The following SEM1 variants were observed in gnomAD, a reference collection of about 807,000 sequenced individuals.
SEM1 encodes the protein 26S proteasome complex subunit SEM1.
Under a neutral mutation model 12.7 loss-of-function variants are expected in SEM1, and 3 were observed. The ratio of observed to expected loss-of-function variants is 0.24; its 90% confidence interval spans 0.11 to 0.61. The LOEUF is 0.61. Ranked by LOEUF, SEM1 falls within the 20% of genes least tolerant of loss-of-function variation. The pLI, the probability that SEM1 is intolerant of heterozygous loss-of-function variation, is 0.88. For missense variants in SEM1, 59 were observed against 81.3 expected, an observed-to-expected ratio of 0.73 and a Z score of 1.06; for synonymous variants, 30 against 27.8, an observed-to-expected ratio of 1.08 and a Z score of -0.25.
chr7:96,582,890 T>C (rs1176155968), intron 2 of SEM1, among the ~76,000 whole-genome samples: 1 of 152,216 alleles, frequency 6.6e-6, no homozygotes, highest in African/African-American at 2.4e-5. Flanking sequence ...TTGCTAGCGA[T>C]CTATCAATTT....
rs184510455 is a variant in SEM1, at chr7:96,583,796, C to A, written c.171-77098G>T. 3.3e-5 allele frequency among the ~76,000 whole-genome samples: 5 copies of A among 150,376 alleles called. No individual in the cohort carries two copies. In the East Asian group the frequency reaches 1.0e-3, roughly 30 times the overall value. On this transcript the variant is annotated intron_variant and NMD_transcript_variant, in intron 2 of 3. Coordinates refer to the SEM1 transcript ENST00000466986. Reference sequence around the variant, plus strand: ...TTTATCCGAGACTAGGATTGCAACCCCTGCCTTTTCTTGTTTTCCATTTGC... The same window carrying A: ...TTTATCCGAGACTAGGATTGCAACCACTGCCTTTTCTTGTTTTCCATTTGC...
chr7:96,616,706 T>A (rs755054275), intron 2 of SEM1, among the ~76,000 whole-genome samples: 5 of 152,182 alleles, frequency 3.3e-5, no homozygotes, highest in Admixed American at 1.3e-4. Context: ...ATGTAATCCA[T>A]CTTGACTTAA....
chr7:96,689,118 A>G, intron 2 of SEM1, 152 bp from the exon 3 acceptor site: 2 of 518,746 alleles, frequency 3.9e-6, no homozygotes, highest in East Asian at 6.4e-5. Flanking sequence ...TGAAAAAAAA[A>G]CATAAGAAAA....
intron 2 of SEM1, among the ~76,000 whole-genome samples, chr7:96,581,286 T>C (rs1412861868): frequency 2.0e-5 from 3 of 152,178 alleles, no homozygotes; most frequent in East Asian, 1.9e-4. Flanking sequence ...GTTGCAGATA[T>C]GCGGCGTTAT....
At chr7:96,567,084 A>T (rs1419751947) in intron 2 of SEM1, among the ~76,000 whole-genome samples, 4 of 151,628 alleles carry the variant, frequency 2.6e-5, no homozygotes, top group Non-Finnish European at 4.4e-5. Flanking sequence ...ATGTGTTTCT[A>T]AATTGCTCCC....
chr7:96,490,372 A>G (rs1244275181), intron 1 of SEM1, among the ~76,000 whole-genome samples: 1 of 152,204 alleles, frequency 6.6e-6, no homozygotes, highest in Non-Finnish European at 1.5e-5. Context: ...GGCATTTTAT[A>G]GGGAACATAC....
At chr7:96,537,797 G>T (rs1804831920) in intron 2 of SEM1, among the ~76,000 whole-genome samples, 1 of 151,402 alleles carries the variant, frequency 6.6e-6, no homozygotes, top group South Asian at 2.1e-4. Context: ...TGTTCTCTGA[G>T]CTTCCTGGAT....
At chr7:96,570,975 T>A (rs1241171686) in intron 2 of SEM1, among the ~76,000 whole-genome samples, 1 of 152,042 alleles carries the variant, frequency 6.6e-6, no homozygotes, top group Non-Finnish European at 1.5e-5. Flanking sequence ...TTTTTTTTTT[T>A]TCGTATGTTT....
upstream of SEM1, among the ~76,000 whole-genome samples, chr7:96,500,084 A>G (rs910317191): frequency 6.6e-6 from 1 of 152,176 alleles, no homozygotes; most frequent in African/African-American, 2.4e-5. Flanking sequence ...TGAACCATGA[A>G]AAACCTTGTC....
At chr7:96,520,558 G>T (rs1804236387) in intron 2 of SEM1, among the ~76,000 whole-genome samples, 1 of 152,024 alleles carries the variant, frequency 6.6e-6, no homozygotes, top group Non-Finnish European at 1.5e-5. Context: ...CTCAATCCTG[G>T]TGGGTTACTC....
intron 2 of SEM1, among the ~76,000 whole-genome samples, chr7:96,666,397 A>G (rs554916646): frequency 7.6e-4 from 115 of 152,200 alleles, no homozygotes; most frequent in South Asian, 7.1e-3. Flanking sequence ...CTCTCTCTCA[A>G]TTTCCACATC....
At chr7:96,527,972 G>T (rs1804520582) in intron 2 of SEM1, among the ~76,000 whole-genome samples, 1 of 152,128 alleles carries the variant, frequency 6.6e-6, no homozygotes, top group Non-Finnish European at 1.5e-5. Context: ...ATAGGAATAT[G>T]TATGGTTCAT....
intron 2 of SEM1, among the ~76,000 whole-genome samples, chr7:96,539,382 T>C (rs1327195304): frequency 6.6e-6 from 1 of 151,776 alleles, no homozygotes; most frequent in Admixed American, 6.6e-5. Flanking sequence ...ATATAATATA[T>C]ACCAGAAATA....
rs187732839 is a variant in SEM1, at chr7:96,605,735, G to T, written c.170+89063C>A. 4.9e-4 allele frequency among the ~76,000 whole-genome samples: 74 copies of T among 152,098 alleles called. No homozygotes were observed. The East Asian group carries it at 9.9e-3, about 20-fold the overall frequency. Reference sequence around the variant, plus strand: ...GGGTTTCTTTGATTGCCGTACAGTAGTCCCCCATTATCCGTGCTTTCACTT... The same window carrying T: ...GGGTTTCTTTGATTGCCGTACAGTATTCCCCCATTATCCGTGCTTTCACTT... On this transcript the variant is annotated intron_variant and NMD_transcript_variant, in intron 2 of 3. Coordinates refer to the SEM1 transcript ENST00000466986.
rs866447391 is a variant in SEM1 at position 96,662,244 on chromosome 7, T to G, written c.170+32554A>C. On this transcript the variant is annotated intron_variant, in intron 2 of 2. Coordinates refer to the SEM1 transcript ENST00000417009. ...ACACACATGTTCACTGCAGCACTATTTACAATAGCAAACACTTGGAACCAA... is the reference window on the plus strand; with the variant it reads ...ACACACATGTTCACTGCAGCACTATGTACAATAGCAAACACTTGGAACCAA... Among the ~76,000 whole-genome samples the G allele has an allele frequency of 2.6e-5, 4 of 152,258 alleles. No individual in the cohort carries two copies. In the Middle Eastern group the frequency reaches 0.01, roughly 388 times the overall value.
intron 2 of SEM1, among the ~76,000 whole-genome samples, chr7:96,611,739 C>T (rs954264370): frequency 6.6e-6 from 1 of 152,126 alleles, no homozygotes; most frequent in Non-Finnish European, 1.5e-5. Context: ...CACAGAATCC[C>T]CTTTAAAGCA....
chr7:96,486,058 A>C (rs1443519342), intron 2 of SEM1: 2 of 641,922 alleles, frequency 3.1e-6, no homozygotes. Context: ...AATTGGAAGA[A>C]AGGAAAATAT....
At chr7:96,522,731 C>T (rs928116377) in intron 2 of SEM1, among the ~76,000 whole-genome samples, 2 of 110,362 alleles carry the variant, frequency 1.8e-5, no homozygotes, top group African/African-American at 5.8e-5. Context: ...TACCCCCCCC[C>T]CAAAAAAAAA....
intron 2 of SEM1, chr7:96,484,957 T>C (rs963004501): frequency 2.0e-5 from 13 of 658,984 alleles, no homozygotes; most frequent in Admixed American, 1.1e-4. Flanking sequence ...TCAGCTGTTA[T>C]TCCTGTTGAG....
Sources: allele counts gnomAD v4.1 joint callset (sites outside exome capture counted in the v4.1 genomes callset), GRCh38; gene constraint gnomAD v4.1.1; transcripts MANE v1.5; gene names NCBI Gene and HGNC (gene_info 2026-07-23, HGNC 2026-07-21).